The following MIS18A variants were observed in gnomAD, a reference collection of about 807,000 sequenced individuals.
MIS18A encodes the protein protein Mis18-alpha.
A neutral mutation model predicts 25.0 loss-of-function variants in MIS18A; 14 were observed. The ratio of observed to expected loss-of-function variants is 0.56; its 90% CI spans 0.37 to 0.88. The LOEUF (loss-of-function observed/expected upper bound fraction) is 0.88. MIS18A is among the 40% of genes least tolerant of loss of function. MIS18A has a pLI of 0.00. For missense variants in MIS18A, 292 were observed against 290.8 expected (o/e 1.00, Z -0.03); for synonymous variants, 134 against 118.6 (o/e 1.13, Z -0.84).
chr21:32,220,363 C>T, the MIS18A span, among the ~76,000 whole-genome samples: 6 of 152,206 alleles, frequency 3.9e-5, no homozygotes, highest in African/African-American at 1.4e-4. Context: ...CCTGCAAACT[C>T]CACCAGACCT....
chr21:32,252,472 T>C, the MIS18A span, among the ~76,000 whole-genome samples: 1 of 152,082 alleles, frequency 6.6e-6, no homozygotes, highest in African/African-American at 2.4e-5. Context: ...AAGACATGTA[T>C]GTATTAGTAC....
the MIS18A span, among the ~76,000 whole-genome samples, chr21:32,236,480 A>C: frequency 6.6e-6 from 1 of 152,126 alleles, no homozygotes; most frequent in Non-Finnish European, 1.5e-5. Context: ...AAATAAATTC[A>C]AAATCTATTT....
the MIS18A span, among the ~76,000 whole-genome samples, chr21:32,211,644 A>C: frequency 1.3e-5 from 2 of 152,208 alleles, no homozygotes; most frequent in African/African-American, 4.8e-5. Flanking sequence ...CCATGATGGA[A>C]GTCTTAGGAG....
At chr21:32,186,499 C>T in the MIS18A span, among the ~76,000 whole-genome samples, 1 of 152,188 alleles carries the variant, frequency 6.6e-6, no homozygotes, top group Non-Finnish European at 1.5e-5. Context: ...GGAACGATCT[C>T]CAAACTCTGA....
the MIS18A span, among the ~76,000 whole-genome samples, chr21:32,227,664 C>T: frequency 6.6e-6 from 1 of 152,118 alleles, no homozygotes; most frequent in Admixed American, 6.5e-5. Context: ...ACAAACTCTT[C>T]CAAAAAATAG....
intron 1 of MIS18A, chr21:32,278,044 C>G (rs1480160675): frequency 6.6e-6 from 1 of 152,236 alleles, no homozygotes; most frequent in African/African-American, 2.4e-5. Context: ...TCCCTAAATA[C>G]TGCAAAAACA....
the MIS18A span, among the ~76,000 whole-genome samples, chr21:32,182,565 A>G: frequency 6.6e-6 from 1 of 152,210 alleles, no homozygotes; most frequent in Admixed American, 6.5e-5. Flanking sequence ...CTGCAGTGGC[A>G]GGTGAGCCTC....
chr21:32,234,420 T>C, the MIS18A span, among the ~76,000 whole-genome samples: 1 of 152,158 alleles, frequency 6.6e-6, no homozygotes, highest in African/African-American at 2.4e-5. Flanking sequence ...TACCCAGGAA[T>C]GAAATCTGTT....
At chr21:32,224,583 A>G in the MIS18A span, among the ~76,000 whole-genome samples, 1 of 149,770 alleles carries the variant, frequency 6.7e-6, no homozygotes, top group Middle Eastern at 3.4e-3. Context: ...GATGTGAAGG[A>G]CCTCTTCAAG....
chr21:32,266,418 C>T (rs1419111810), downstream of MIS18A, among the ~76,000 whole-genome samples: 3 of 152,158 alleles, frequency 2.0e-5, no homozygotes, highest in Non-Finnish European at 4.4e-5. Flanking sequence ...CTCGGGTCCC[C>T]TTCCACACTG....
downstream of MIS18A, among the ~76,000 whole-genome samples, chr21:32,264,048 T>G (rs1173321701): frequency 1.3e-5 from 2 of 152,176 alleles, no homozygotes; most frequent in Admixed American, 6.5e-5. Flanking sequence ...CTAAAAAGTG[T>G]GAATTTCATA....
the MIS18A span, among the ~76,000 whole-genome samples, chr21:32,204,021 C>T: frequency 8.5e-5 from 13 of 152,054 alleles, no homozygotes; most frequent in Non-Finnish European, 1.9e-4. Context: ...ACAAGAATGT[C>T]TCAGGAAGGA....
rs1340018236 is a variant in MIS18A at position 32,268,997 on chromosome 21, G to A, written c.*40C>T. Reference sequence around the variant, plus strand: ...TGTTGCTTCATTTAACAAATAAGGGGAGGAAGGGCGGGGGCAGAATGGAGG... The same window carrying A: ...TGTTGCTTCATTTAACAAATAAGGGAAGGAAGGGCGGGGGCAGAATGGAGG... On this transcript the variant is annotated 3_prime_UTR_variant, in exon 5 of 5. Coordinates refer to ENST00000290130, the MANE Select transcript of MIS18A (RefSeq NM_018944.3). 1 of 1,378,188 alleles carries A rather than the reference G, an allele frequency of 7.3e-7. No homozygotes were observed. The highest frequency in any genetic ancestry group is 1.4e-5 in the African/African-American group (1 of 69,318). 85.4% of individuals were successfully genotyped at this position (1,378,188 alleles called of 1,614,324 possible). A position where few individuals can be genotyped will look rare whatever the true frequency, so the allele number is the denominator to read the frequency against.
At chr21:32,277,057 G>A (rs1422516874) in intron 1 of MIS18A, among the ~76,000 whole-genome samples, 2 of 152,116 alleles carry the variant, frequency 1.3e-5, no homozygotes, top group South Asian at 2.1e-4. Flanking sequence ...TTGACAAAAT[G>A]AAAATAATTA....
chr21:32,260,760 C>A, the MIS18A span: 1 of 152,338 alleles, frequency 6.6e-6, no homozygotes, highest in African/African-American at 2.4e-5. Context: ...TGCCTATAAT[C>A]CCAGCACTTT....
chr21:32,202,686 G>C, the MIS18A span, among the ~76,000 whole-genome samples: 3 of 152,116 alleles, frequency 2.0e-5, no homozygotes, highest in African/African-American at 7.2e-5. Flanking sequence ...TGTCTATAAA[G>C]TTAACTACTC....
chr21:32,247,362 G>A, the MIS18A span, among the ~76,000 whole-genome samples: 1 of 152,200 alleles, frequency 6.6e-6, no homozygotes, highest in Non-Finnish European at 1.5e-5. Flanking sequence ...TAGTGGCAGA[G>A]AGCTAGTGCT....
chr21:32,231,003 G>T, the MIS18A span, among the ~76,000 whole-genome samples: 1 of 152,146 alleles, frequency 6.6e-6, no homozygotes, highest in Non-Finnish European at 1.5e-5. Flanking sequence ...GGGAGGCTGA[G>T]GTGGGCAGAC....
the MIS18A span, among the ~76,000 whole-genome samples, chr21:32,215,250 C>T: frequency 6.6e-6 from 1 of 152,170 alleles, no homozygotes; most frequent in Non-Finnish European, 1.5e-5. Flanking sequence ...TCAGGCTTGC[C>T]CTCTCTCCCT....
Sources: gnomAD v4.1 joint callset for allele counts (sites outside exome capture counted in the v4.1 genomes callset) on GRCh38, gnomAD v4.1.1 for gene constraint, MANE v1.5 for transcripts, NCBI Gene and HGNC (gene_info 2026-07-23, HGNC 2026-07-21) for gene names.